Variants in ARHGEF11 observed in about 807,000 individuals in gnomAD.
The protein encoded by ARHGEF11 is Rho guanine exchange factor (GEF) 11.
A neutral mutation model predicts 193.7 loss-of-function variants in ARHGEF11; 55 were observed. The observed-to-expected ratio is 0.28, with a 90% CI of 0.23 to 0.36. The LOEUF is 0.36. ARHGEF11 is among the 10% of genes least tolerant of loss of function. The pLI is 1.00. For missense variants in ARHGEF11, 1,723 were observed against 2,005.6 expected (o/e 0.86, Z 2.69); for synonymous variants, 693 against 768.0 (o/e 0.90, Z 1.62).
chr1:157,022,239 A>T (rs1421346479), intron 1 of ARHGEF11, among the ~76,000 whole-genome samples: 1 of 152,198 alleles, frequency 6.6e-6, no homozygotes, highest in African/African-American at 2.4e-5. Context: ...AAGAAGAAAA[A>T]CTTATCTCTA....
rs1173876549 is a variant in ARHGEF11 at position 156,937,260 on chromosome 1, T to A, written c.4429A>T (p.Asn1477Tyr). 1.9e-6 allele frequency: 3 copies of A among 1,613,938 alleles called. No individual in the cohort carries two copies. The highest frequency in any genetic ancestry group is 1.7e-6 in the Non-Finnish European group (2 of 1,179,898). ...HTIEQLTLKL[N>Y]RLKDMELAHR... ...CCTGCTTCCCTCACCTTGAGCCTGT[T>A]GAGCTTGAGAGTGAGCTGCTCAATG... Residue 1477 changes from asparagine (N) to tyrosine (Y), a missense_variant, in exon 39 of 41, where the codon AAC becomes TAC. This residue lies in a region of ARHGEF11 where 360 missense variants were observed against 344.4 expected (regional missense o/e 1.05). Transcript: ENST00000368194.
chr1:156,998,957 A>T (rs1303206235), intron 1 of ARHGEF11, among the ~76,000 whole-genome samples: 1 of 152,202 alleles, frequency 6.6e-6, no homozygotes, highest in Non-Finnish European at 1.5e-5. Context: ...ACTTTCAGGA[A>T]GATCCAAGAT....
At chr1:156,971,654 C>T (rs1412318805) in intron 8 of ARHGEF11, 43 bp downstream of exon 8, 4 of 1,590,358 alleles carry the variant, frequency 2.5e-6, no homozygotes, top group East Asian at 2.3e-5. Flanking sequence ...ACCCCCAGTT[C>T]TACTGCATGT....
At chr1:156,969,776 T>G (rs1400990259) in intron 9 of ARHGEF11, among the ~76,000 whole-genome samples, 1 of 152,266 alleles carries the variant, frequency 6.6e-6, no homozygotes, top group African/African-American at 2.4e-5. Flanking sequence ...GGTATCTTAC[T>G]AGCCCTTATC....
intron 6 of ARHGEF11, among the ~76,000 whole-genome samples, chr1:156,977,256 T>G (rs953613516): frequency 6.6e-6 from 1 of 152,230 alleles, no homozygotes; most frequent in Non-Finnish European, 1.5e-5. Flanking sequence ...TAATCACCTT[T>G]GGTATCAAGT....
chr1:157,031,904 C>A (rs1671357306), intron 1 of ARHGEF11, among the ~76,000 whole-genome samples: 1 of 152,162 alleles, frequency 6.6e-6, no homozygotes, highest in South Asian at 2.1e-4. Context: ...TTCTAAGAGG[C>A]AACAATGACA....
chr1:156,944,218 C>T, intron 31 of ARHGEF11, 116 bp from the exon 32 acceptor site: 2 of 1,434,642 alleles, frequency 1.4e-6, no homozygotes, highest in Middle Eastern at 1.8e-4. Context: ...CTGGTGACCC[C>T]ATTTCTCTCT....
intron 1 of ARHGEF11, among the ~76,000 whole-genome samples, chr1:157,021,504 G>C (rs1206392446): frequency 6.6e-6 from 1 of 152,166 alleles, no homozygotes; most frequent in Non-Finnish European, 1.5e-5. Context: ...CATGTAATGA[G>C]AGCATTAACA....
intron 11 of ARHGEF11, among the ~76,000 whole-genome samples, chr1:156,964,526 G>A (rs960409153): frequency 7.2e-5 from 11 of 152,160 alleles, no homozygotes; most frequent in Non-Finnish European, 5.9e-5. Context: ...ACTTTCTTAA[G>A]GGGCTTTTCC....
chr1:157,023,200 A>G (rs1353523234), intron 1 of ARHGEF11, among the ~76,000 whole-genome samples: 1 of 152,226 alleles, frequency 6.6e-6, no homozygotes, highest in Non-Finnish European at 1.5e-5. Flanking sequence ...TGGAAAGACA[A>G]TCCATGAGAT....
intron 1 of ARHGEF11, among the ~76,000 whole-genome samples, chr1:157,011,795 A>G (rs538771975): frequency 6.6e-6 from 1 of 152,204 alleles, no homozygotes; most frequent in Non-Finnish European, 1.5e-5. Context: ...TTTTACATCT[A>G]CTAGGATGAC....
intron 1 of ARHGEF11, among the ~76,000 whole-genome samples, chr1:157,011,526 C>A (rs904016776): frequency 6.6e-6 from 1 of 152,050 alleles, no homozygotes; most frequent in African/African-American, 2.4e-5. Flanking sequence ...TCAAAGGATG[C>A]CATCAAGAAA....
At chr1:156,992,271 A>C (rs1005234395) in intron 1 of ARHGEF11, among the ~76,000 whole-genome samples, 1 of 152,138 alleles carries the variant, frequency 6.6e-6, no homozygotes, top group Non-Finnish European at 1.5e-5. Context: ...TTTCACTTAC[A>C]ATATCTGTAG....
intron 17 of ARHGEF11, among the ~76,000 whole-genome samples, chr1:156,958,282 CCTTAGTATATTGCA>C (rs1302126664): frequency 6.6e-5 from 10 of 152,158 alleles, no homozygotes; most frequent in African/African-American, 2.2e-4. Context: ...GCCAGAAGCA[CCTTAGTATATTGCA>C]CTAGTTCAGT....
At chr1:157,029,906 TTG>T (rs1338258459) in intron 1 of ARHGEF11, among the ~76,000 whole-genome samples, 3 of 152,176 alleles carry the variant, frequency 2.0e-5, no homozygotes, top group Non-Finnish European at 4.4e-5. Flanking sequence ...AAACCACATA[TTG>T]TGTTATTACA....
chr1:157,042,835 G>C (rs1672925145), intron 1 of ARHGEF11, among the ~76,000 whole-genome samples: 1 of 152,174 alleles, frequency 6.6e-6, no homozygotes, highest in Non-Finnish European at 1.5e-5. Flanking sequence ...AAAGGCAAGT[G>C]CACTAATTCT....
Position 156,944,526 on chromosome 1 carries a change from C to G in ARHGEF11, c.2992-93G>C, listed in dbSNP as rs977306565. The G allele has an allele frequency of 6.6e-6, 9 of 1,367,348 alleles. No individual in the cohort carries two copies. The South Asian group carries it at 1.1e-4, about 16-fold the overall frequency. The allele number at this position is 1,367,348 out of a possible 1,614,324, so 84.7% of individuals were successfully genotyped here. On this transcript the variant is annotated intron_variant, in intron 30 of 40. Transcript: ENST00000368194. ...GTGTGCCAGACATTGTGTTAAGGTG[C>G]TGGGAATTGGTAAATAAGAAAAAGT...
chr1:156,960,073 A>G (rs6655972), intron 15 of ARHGEF11, among the ~76,000 whole-genome samples: 48,427 of 151,766 alleles, frequency 0.32, 10,301 homozygotes, highest in African/African-American at 0.61. Context: ...AGGAATCCCT[A>G]ATCAAGTCTG....
intron 1 of ARHGEF11, among the ~76,000 whole-genome samples, chr1:157,001,471 A>G (rs1337804341): frequency 6.6e-6 from 1 of 152,190 alleles, no homozygotes; most frequent in Admixed American, 6.5e-5. Flanking sequence ...ATTCCCTCAC[A>G]TTGACTAATG....
Sources: allele counts gnomAD v4.1 joint callset (sites outside exome capture counted in the v4.1 genomes callset), GRCh38; gene constraint gnomAD v4.1.1; regional missense constraint gnomAD v4.1.1; transcripts MANE v1.5; gene names NCBI Gene and HGNC (gene_info 2026-07-23, HGNC 2026-07-21).